CNGA1: variants seen among roughly 807,000 people sequenced by gnomAD.
CNGA1 encodes cyclic nucleotide gated channel subunit alpha 1, also known as cyclic nucleotide-gated channel alpha-1.
CNGA1 carries 53 observed loss-of-function variants against 69.7 expected under a neutral mutation model. The ratio of observed to expected loss-of-function variants is 0.76; its 90% CI spans 0.61 to 0.96. CNGA1 has a LOEUF of 0.96. CNGA1 is among the 40% of genes least tolerant of loss of function. CNGA1 has a pLI of 0.00. For synonymous variants in CNGA1, 249 were observed against 283.5 expected (o/e 0.88, Z 1.22); for missense variants, 739 against 811.2 (o/e 0.91, Z 1.08).
rs1459988893 is a variant in CNGA1, at chr4:47,936,475, T to C, written c.2007A>G (p.Glu669=). The C allele has an allele frequency of 6.2e-7, 1 of 1,614,154 alleles. No homozygotes were observed. Among genetic ancestry groups the C allele is most frequent in the South Asian group, 1.1e-5 (1 of 91,084 alleles). The part of the protein sequence containing the change: ...EKFLKPLIDT[E]FSSIEGPGAE... ...CTCCAGGTCCCTCAATACTTGAAAA[T>C]TCTGTGTCAATAAGCGGTTTCAGAA... Residue 669 remains glutamate (E), a synonymous_variant, in exon 11 of 11, where the codon GAA becomes GAG. Coordinates refer to ENST00000514170, the MANE Select transcript of CNGA1 (RefSeq NM_001379270.1).
At chr4:47,981,961 TTTAA>T (rs1265593762) in intron 2 of CNGA1, among the ~76,000 whole-genome samples, 1 of 152,220 alleles carries the variant, frequency 6.6e-6, no homozygotes, top group African/African-American at 2.4e-5. Flanking sequence ...TCATTGATCT[TTTAA>T]TTGTCTATTT....
intron 6 of CNGA1, among the ~76,000 whole-genome samples, chr4:47,948,531 G>T (rs1039023813): frequency 1.3e-5 from 2 of 152,112 alleles, no homozygotes; most frequent in Non-Finnish European, 2.9e-5. Context: ...TTCCAGAGGG[G>T]TGATGCATCT....
intron 2 of CNGA1, among the ~76,000 whole-genome samples, chr4:47,987,897 G>A (rs528325411): frequency 1.1e-4 from 16 of 152,204 alleles, no homozygotes; most frequent in African/African-American, 3.4e-4. Flanking sequence ...GAACTGTGTT[G>A]GTGTGTTTAA....
intron 2 of CNGA1, among the ~76,000 whole-genome samples, chr4:47,985,241 A>T (rs1741928556): frequency 6.6e-6 from 1 of 152,220 alleles, no homozygotes; most frequent in African/African-American, 2.4e-5. Context: ...TATCAAAGTT[A>T]AACTTTGTTT....
intron 2 of CNGA1, among the ~76,000 whole-genome samples, chr4:48,002,412 A>G (rs1310911811): frequency 2.0e-5 from 3 of 152,192 alleles, no homozygotes; most frequent in African/African-American, 7.2e-5. Flanking sequence ...ACTGTAGTAG[A>G]GAAAGTTTAA....
intron 3 of CNGA1, among the ~76,000 whole-genome samples, chr4:47,965,587 C>T (rs923402950): frequency 2.0e-5 from 3 of 151,804 alleles, no homozygotes; most frequent in African/African-American, 7.3e-5. Flanking sequence ...CCACCAGGCC[C>T]GGCTAATTTT....
At chr4:48,014,210 T>C (rs1715282409) in intron 1 of CNGA1, among the ~76,000 whole-genome samples, 1 of 152,172 alleles carries the variant, frequency 6.6e-6, no homozygotes, top group Non-Finnish European at 1.5e-5. Flanking sequence ...AACAACATGA[T>C]TTTGCGGGGG....
At chr4:47,954,689 A>G (rs1333211767) in intron 3 of CNGA1, among the ~76,000 whole-genome samples, 1 of 152,220 alleles carries the variant, frequency 6.6e-6, no homozygotes, top group Non-Finnish European at 1.5e-5. Flanking sequence ...CTAGGCGTGG[A>G]GTTTGATACC....
At chr4:48,013,493 G>A (rs1431456488) in intron 1 of CNGA1, among the ~76,000 whole-genome samples, 2 of 152,176 alleles carry the variant, frequency 1.3e-5, no homozygotes, top group Admixed American at 1.3e-4. Flanking sequence ...CAAAGCAAAG[G>A]CAGGAATACT....
chr4:48,004,305 G>C (rs1457580443), intron 2 of CNGA1, among the ~76,000 whole-genome samples: 1 of 152,088 alleles, frequency 6.6e-6, no homozygotes, highest in Non-Finnish European at 1.5e-5. Context: ...GCGCAGCCTG[G>C]CATTCAGGGC....
At chr4:47,976,214 C>T (rs28777077) in intron 3 of CNGA1, among the ~76,000 whole-genome samples, 4 of 67,844 alleles carry the variant, frequency 5.9e-5, no homozygotes, top group African/African-American at 3.4e-4. Flanking sequence ...TATATATATA[C>T]ACATACATAT....
At chr4:47,995,409 T>C (rs2110240546) in intron 2 of CNGA1, among the ~76,000 whole-genome samples, 1 of 152,280 alleles carries the variant, frequency 6.6e-6, no homozygotes, top group South Asian at 2.1e-4. Flanking sequence ...AAGCTCTAAA[T>C]TTCTTTCTTC....
Position 47,940,875 on chromosome 4 carries a change from A to G in CNGA1, c.546-6T>C, listed in dbSNP as rs2110137268. 1.3e-6 allele frequency: 2 copies of G among 1,576,486 alleles called. No homozygotes were observed. Among genetic ancestry groups the G allele is most frequent in the Non-Finnish European group, 1.7e-6 (2 of 1,148,740 alleles). On this transcript the variant is annotated splice_region_variant and splice_polypyrimidine_tract_variant and intron_variant, in intron 9 of 10. Transcript: ENST00000514170. The stretch of plus-strand genomic sequence containing the variant: ...GAAGTTCATCAAAACATGCTCTATA[A>G]AAAAAGAAACACTTGTATAAATAAA...
At chr4:47,940,097 C>A (rs1268760635) in intron 10 of CNGA1, among the ~76,000 whole-genome samples, 1 of 152,202 alleles carries the variant, frequency 6.6e-6, no homozygotes, top group Non-Finnish European at 1.5e-5. Context: ...ATACATTACA[C>A]TAGGAAAGGG....
chr4:47,985,776 C>A (rs930172487), intron 2 of CNGA1, among the ~76,000 whole-genome samples: 5 of 150,258 alleles, frequency 3.3e-5, no homozygotes, highest in African/African-American at 7.4e-5. Context: ...CCAAAAAAAA[C>A]CATATTTAAG....
intron 1 of CNGA1, 71 bp from the exon 2 acceptor site, chr4:48,010,964 T>TCC (rs1433824930): frequency 6.6e-6 from 1 of 152,198 alleles, no homozygotes; most frequent in African/African-American, 2.4e-5. Context: ...AAAACAGAGC[T>TCC]CCCGTACAAA....
In CNGA1 at chr4:47,985,805, G is replaced by C. The variant is rs143297870; in HGVS notation, c.-122-4305C>G. On this transcript the variant is annotated intron_variant, in intron 2 of 10. Coordinates refer to ENST00000514170, the MANE Select transcript of CNGA1 (RefSeq NM_001379270.1). ...ATTTAAGAATGAACTAAATATTACG[G>C]ATTCCTGGGATCATGTGGATTAGTT... 3.8e-3 allele frequency among the ~76,000 whole-genome samples: 580 copies of C among 151,594 alleles called. 2 individuals are homozygous for C. The highest frequency in any genetic ancestry group is 6.8e-3 in the Middle Eastern group (2 of 292).
intron 1 of CNGA1, chr4:48,012,767 G>A (rs1270228584): frequency 6.6e-6 from 1 of 151,764 alleles, no homozygotes; most frequent in Non-Finnish European, 1.5e-5. Flanking sequence ...AAAACAGTTA[G>A]GCAAAACAAA....
intron 2 of CNGA1, among the ~76,000 whole-genome samples, chr4:47,983,108 A>T (rs1560304942): frequency 6.6e-6 from 1 of 152,118 alleles, no homozygotes; most frequent in Non-Finnish European, 1.5e-5. Context: ...CCAGCCTCAA[A>T]ATGAATATTC....
Sources: gnomAD v4.1 joint callset for allele counts (sites outside exome capture counted in the v4.1 genomes callset) on GRCh38, gnomAD v4.1.1 for gene constraint, MANE v1.5 for transcripts, NCBI Gene and HGNC (gene_info 2026-07-23, HGNC 2026-07-21) for gene names.